Variants in ZC3H11A observed in about 807,000 individuals in gnomAD.
ZC3H11A encodes zinc finger CCCH-type containing 11A.
A neutral mutation model predicts 90.8 loss-of-function variants in ZC3H11A; 22 were observed. The observed-to-expected ratio is 0.24, with a 90% CI of 0.17 to 0.35. ZC3H11A has a LOEUF of 0.35. Ranked by LOEUF, ZC3H11A falls within the 10% of genes least tolerant of loss-of-function variation. ZC3H11A has a pLI of 1.00. For missense variants in ZC3H11A, 701 were observed against 964.9 expected, an observed-to-expected ratio of 0.73 and a Z score of 3.62; for synonymous variants, 294 against 339.8, an observed-to-expected ratio of 0.87 and a Z score of 1.48.
chr1:203,803,660 C>T (rs1671213841), intron 2 of ZC3H11A, among the ~76,000 whole-genome samples: 1 of 152,208 alleles, frequency 6.6e-6, no homozygotes, highest in African/African-American at 2.4e-5. Context: ...GGCTGGAGTG[C>T]AGTGGCATGA....
chr1:203,809,475 C>T (rs1279050882), intron 2 of ZC3H11A, among the ~76,000 whole-genome samples: 3 of 152,064 alleles, frequency 2.0e-5, no homozygotes, highest in Non-Finnish European at 4.4e-5. Context: ...CGCACCCAGC[C>T]CCACTCTTTT....
At chr1:203,798,637 T>C (rs1330859324) in intron 1 of ZC3H11A, 35 of 1,536,000 alleles carry the variant, frequency 2.3e-5, no homozygotes, top group Non-Finnish European at 3.0e-5. Context: ...GATGAACCTA[T>C]GTTAGAGGTT....
chr1:203,850,116 G>A (rs1481809027), intron 15 of ZC3H11A, 90 bp downstream of exon 15: 5 of 1,216,466 alleles, frequency 4.1e-6, no homozygotes, highest in Non-Finnish European at 5.8e-6. Flanking sequence ...GCAACAATTG[G>A]GTTGAATTTC....
In ZC3H11A at chr1:203,818,666, A is replaced by G. The variant is rs1401961035; in HGVS notation, c.151A>G (p.Arg51Gly). Residue 51 changes from arginine (R) to glycine (G), a missense_variant, in exon 4 of 18, where the codon AGG (arginine) becomes GGG (glycine). Around this residue, in one of 4 missense-constraint regions of ZC3H11A, gnomAD observed 59 missense variants for 132.8 expected, o/e 0.44. Transcript: ENST00000367210. Reference sequence around the variant, plus strand: ...AGGGCGCTGTTTTCGACAGGTGTGCAGGTTTCGGCACATGGAGATTGATGT... The same window carrying G: ...AGGGCGCTGTTTTCGACAGGTGTGCGGGTTTCGGCACATGGAGATTGATGT... Reference protein sequence around the residue: ...QEGRCFRQVCRFRHMEIDKKR... With the variant: ...QEGRCFRQVCGFRHMEIDKKR... 1.2e-6 allele frequency: 2 copies of G among 1,614,052 alleles called. No homozygotes were observed. The highest frequency in any genetic ancestry group is 1.3e-5 in the African/African-American group (1 of 74,922).
At chr1:203,822,213 A>G (rs560630059) in intron 4 of ZC3H11A, among the ~76,000 whole-genome samples, 1 of 152,188 alleles carries the variant, frequency 6.6e-6, no homozygotes, top group East Asian at 1.9e-4. Flanking sequence ...TGTTCATAAT[A>G]CTTTTATTTA....
At chr1:203,818,819 C>T in intron 4 of ZC3H11A, 130 bp downstream of exon 4, 2 of 1,416,914 alleles carry the variant, frequency 1.4e-6, no homozygotes, top group Non-Finnish European at 9.5e-7. Flanking sequence ...CCTGTAGTTC[C>T]AGCACTTTGG....
Position 203,824,818 on chromosome 1 carries a change from G to A in ZC3H11A, c.175-3481G>A, listed in dbSNP as rs150426535. On this transcript the variant is annotated intron_variant, in intron 4 of 17. Coordinates refer to ENST00000367210, the MANE Select transcript of ZC3H11A (RefSeq NM_001376342.1). ...TGTTAGGCCGGACACGGTGGCTCAC[G>A]CCTGTAATCCCAGCACTTTGGGAGG... is the stretch of plus-strand genomic sequence containing the variant. 1.8e-3 allele frequency among the ~76,000 whole-genome samples: 279 copies of A among 152,262 alleles called. 7 individuals are homozygous for A. The East Asian group carries it at 0.043, about 23-fold the overall frequency.
rs1301568843 is a variant in ZC3H11A, at chr1:203,853,463, A to G, written c.*1064A>G. 1.3e-5 allele frequency: 2 copies of G among 152,446 alleles called. No homozygotes were observed. The highest frequency in any genetic ancestry group is 2.4e-5 in the African/African-American group (1 of 41,340). 9.4% of individuals were successfully genotyped at this position (152,446 alleles called of 1,614,324 possible). ...TTCTGAATTGAGTTTTCTTTTCTTGATGTTGGTTTCCTTCATATCACCTCA... is the reference window on the plus strand; with the variant it reads ...TTCTGAATTGAGTTTTCTTTTCTTGGTGTTGGTTTCCTTCATATCACCTCA... On this transcript the variant is annotated 3_prime_UTR_variant, in exon 18 of 18. Coordinates refer to ENST00000367210, the MANE Select transcript of ZC3H11A (RefSeq NM_001376342.1).
At chr1:203,824,310 T>G (rs930507189) in intron 4 of ZC3H11A, among the ~76,000 whole-genome samples, 5 of 151,986 alleles carry the variant, frequency 3.3e-5, no homozygotes, top group Non-Finnish European at 7.4e-5. Flanking sequence ...TAATTTATAT[T>G]TGTTTTTCAC....
chr1:203,797,632 C>G (rs1558085648), intron 1 of ZC3H11A: 1 of 1,535,824 alleles, frequency 6.5e-7, no homozygotes, highest in Non-Finnish European at 8.7e-7. Context: ...AATTCTAATA[C>G]AGATGAAGAA....
chr1:203,825,380 T>C (rs1411578022), intron 4 of ZC3H11A, among the ~76,000 whole-genome samples: 1 of 151,824 alleles, frequency 6.6e-6, no homozygotes, highest in Non-Finnish European at 1.5e-5. Context: ...TGTATTACTG[T>C]TAAAAATGTG....
intron 4 of ZC3H11A, among the ~76,000 whole-genome samples, chr1:203,820,314 A>C (rs779555578): frequency 1.3e-5 from 2 of 151,846 alleles, no homozygotes; most frequent in Non-Finnish European, 2.9e-5. Context: ...TGTTGAGAGC[A>C]GTTGCTCAGT....
intron 2 of ZC3H11A, among the ~76,000 whole-genome samples, chr1:203,808,118 AT>A (rs1673011518): frequency 6.6e-6 from 1 of 151,812 alleles, no homozygotes; most frequent in African/African-American, 2.4e-5. Flanking sequence ...TTTCTTGAGT[AT>A]TTTTCAAAAG....
intron 2 of ZC3H11A, among the ~76,000 whole-genome samples, chr1:203,809,804 A>G (rs1673710349): frequency 6.6e-6 from 1 of 152,066 alleles, no homozygotes; most frequent in Admixed American, 6.6e-5. Context: ...AAATACAAAA[A>G]TTAGCCAGGC....
intron 14 of ZC3H11A, among the ~76,000 whole-genome samples, chr1:203,849,277 C>T (rs565095488): frequency 9.8e-5 from 15 of 152,302 alleles, no homozygotes; most frequent in African/African-American, 3.6e-4. Context: ...TACAGTGTAT[C>T]ATTTTACAGC....
intron 1 of ZC3H11A, chr1:203,799,430 A>T (rs1045837753): frequency 1.4e-6 from 1 of 702,972 alleles, no homozygotes; most frequent in Admixed American, 2.0e-5. Context: ...ACCAACTTCC[A>T]TGGAAGAATT....
intron 2 of ZC3H11A, 62 bp from the exon 3 acceptor site, chr1:203,816,864 T>C: frequency 4.1e-6 from 2 of 492,322 alleles, no homozygotes; most frequent in Non-Finnish European, 3.7e-6. Flanking sequence ...TCATTAGCCA[T>C]GGTGATTTGA....
In ZC3H11A at chr1:203,847,276, A is replaced by G; in HGVS notation, c.1135A>G (p.Lys379Glu). 6.2e-7 allele frequency: 1 copy of G among 1,614,018 alleles called. No homozygotes were observed. Among genetic ancestry groups the G allele is most frequent in the Non-Finnish European group, 8.5e-7 (1 of 1,179,874 alleles). Residue 379 changes from lysine to glutamate, a missense_variant, in exon 13 of 18, where the codon AAA becomes GAA. By Grantham distance (56) the Lys-to-Glu change is moderately conservative (BLOSUM62 1). This residue lies in a region of ZC3H11A where 530 missense variants were observed against 696.2 expected (regional missense o/e 0.76). Coordinates refer to ENST00000367210, the MANE Select transcript of ZC3H11A (RefSeq NM_001376342.1). Reference protein sequence around the residue: ...ASQKRGELQTKLKTEGPSKTD... With the variant: ...ASQKRGELQTELKTEGPSKTD... ...TCAGAAACGTGGAGAATTGCAAACT[A>G]AACTCAAGACAGAAGGACCTTCAAA...
chr1:203,823,924 AG>A (rs1553264744), intron 4 of ZC3H11A, among the ~76,000 whole-genome samples: 1 of 152,168 alleles, frequency 6.6e-6, no homozygotes, highest in Non-Finnish European at 1.5e-5. Context: ...GGAAATAATC[AG>A]GATATATTGT....
Sources: gnomAD v4.1 joint callset for allele counts (sites outside exome capture counted in the v4.1 genomes callset) on GRCh38, gnomAD v4.1.1 for gene constraint, gnomAD v4.1.1 regional missense constraint, MANE v1.5 for transcripts, NCBI Gene and HGNC (gene_info 2026-07-23, HGNC 2026-07-21) for gene names.